The following THSD7B variants were observed in gnomAD, a reference collection of about 807,000 sequenced individuals.
THSD7B encodes thrombospondin type 1 domain containing 7B.
A neutral mutation model predicts 213.6 loss-of-function variants in THSD7B; 138 were observed. The observed-to-expected ratio is 0.65, with a 90% CI of 0.56 to 0.74. The LOEUF is 0.74. Among genes scored for constraint, THSD7B ranks in the 30% least tolerant of loss-of-function variants. The pLI is 0.00. For synonymous variants in THSD7B, 742 were observed against 687.0 expected, an observed-to-expected ratio of 1.08 and a Z score of -1.25; for missense variants, 1,931 against 1,991.5, an observed-to-expected ratio of 0.97 and a Z score of 0.58.
chr2:137,140,054 G>A (rs1679550614), intron 5 of THSD7B, among the ~76,000 whole-genome samples: 1 of 152,032 alleles, frequency 6.6e-6, no homozygotes, highest in South Asian at 2.1e-4. Flanking sequence ...TCACCATTTG[G>A]TTGAATGTTG....
chr2:137,584,171 T>C (rs1289928983), intron 17 of THSD7B, among the ~76,000 whole-genome samples: 1 of 149,402 alleles, frequency 6.7e-6, no homozygotes, highest in Non-Finnish European at 1.5e-5. Context: ...ATGCTTGTGA[T>C]TTTTGCACAT....
At chr2:137,488,402 A>C (rs1688512950) in intron 15 of THSD7B, among the ~76,000 whole-genome samples, 1 of 152,168 alleles carries the variant, frequency 6.6e-6, no homozygotes, top group Non-Finnish European at 1.5e-5. Flanking sequence ...ATTTTGAAGA[A>C]TATATGTGTC....
At chr2:137,343,821 AAAATAT>A (rs142905895) in intron 12 of THSD7B, among the ~76,000 whole-genome samples, 3,734 of 151,898 alleles carry the variant, frequency 0.025, 171 homozygotes, top group African/African-American at 0.086. Flanking sequence ...AAAATGGTAG[AAAATAT>A]AATTTAACGA....
intron 2 of THSD7B, among the ~76,000 whole-genome samples, chr2:136,942,032 A>G (rs1270189182): frequency 6.6e-6 from 1 of 152,204 alleles, no homozygotes; most frequent in Non-Finnish European, 1.5e-5. Context: ...TATAAGGTGT[A>G]CGGAAGGGAT....
chr2:137,483,278 G>A (rs917706765), intron 15 of THSD7B, among the ~76,000 whole-genome samples: 24 of 152,138 alleles, frequency 1.6e-4, no homozygotes, highest in African/African-American at 5.8e-4. Context: ...TGCCTTTTTT[G>A]TAAATGAAGA....
At chr2:137,257,524 A>G (rs1391979368) in intron 10 of THSD7B, among the ~76,000 whole-genome samples, 1 of 152,126 alleles carries the variant, frequency 6.6e-6, no homozygotes, top group Non-Finnish European at 1.5e-5. Context: ...TCAGGGACAA[A>G]ATTTGAGGGT....
chr2:137,134,919 C>A (rs1679403897), intron 5 of THSD7B, among the ~76,000 whole-genome samples: 1 of 152,114 alleles, frequency 6.6e-6, no homozygotes, highest in Admixed American at 6.6e-5. Context: ...AGGCCCTAGG[C>A]TCAGATTGCT....
intron 2 of THSD7B, among the ~76,000 whole-genome samples, chr2:136,952,179 A>T (rs758411526): frequency 7.2e-5 from 11 of 151,932 alleles, no homozygotes; most frequent in Non-Finnish European, 1.5e-4. Flanking sequence ...TTTTTTTATT[A>T]AATGTGTTTT....
chr2:136,774,248 G>A (rs1681563063), intron 1 of THSD7B, among the ~76,000 whole-genome samples: 1 of 152,026 alleles, frequency 6.6e-6, no homozygotes, highest in Admixed American at 6.6e-5. Flanking sequence ...TACATTTAAT[G>A]CATATTTCTC....
intron 10 of THSD7B, among the ~76,000 whole-genome samples, chr2:137,250,593 A>T (rs1047686796): frequency 2.6e-5 from 4 of 152,178 alleles, no homozygotes; most frequent in African/African-American, 9.7e-5. Context: ...CTTAACAACA[A>T]ATATTTGCTG....
At chr2:137,076,688 G>T (rs950699028) in intron 3 of THSD7B, among the ~76,000 whole-genome samples, 6 of 152,200 alleles carry the variant, frequency 3.9e-5, no homozygotes, top group Non-Finnish European at 5.9e-5. Flanking sequence ...CACTCACGCT[G>T]GGAGCTGTAG....
At position 137,247,302 on chromosome 2, in the gene THSD7B, A is replaced by G. The variant is rs1558972387; in HGVS notation, c.2266+4730A>G. Among the ~76,000 whole-genome samples the G allele has an allele frequency of 2.0e-5, 3 of 152,220 alleles. 1 individual carries two copies. The highest frequency in any genetic ancestry group is 4.1e-4 in the South Asian group (2 of 4,838). On this transcript the variant is annotated intron_variant, in intron 10 of 27. Coordinates refer to ENST00000409968, the MANE Select transcript of THSD7B (RefSeq NM_001316349.2). Reference sequence around the variant, plus strand: ...AATGAATGCAATGTGAATACAAAGTATTAATGGTTAATACAATGTATTCAT... The same window carrying G: ...AATGAATGCAATGTGAATACAAAGTGTTAATGGTTAATACAATGTATTCAT...
intron 14 of THSD7B, among the ~76,000 whole-genome samples, chr2:137,418,229 T>G (rs1224296567): frequency 1.3e-5 from 2 of 152,192 alleles, no homozygotes; most frequent in East Asian, 3.9e-4. Context: ...TTATTGTAGA[T>G]TCACTGCAGT....
At chr2:136,888,776 T>G (rs1300834031) in intron 2 of THSD7B, among the ~76,000 whole-genome samples, 1 of 152,154 alleles carries the variant, frequency 6.6e-6, no homozygotes, top group Non-Finnish European at 1.5e-5. Context: ...TCTGCTATAT[T>G]TTTTCTAAGT....
intron 15 of THSD7B, among the ~76,000 whole-genome samples, chr2:137,513,825 A>C (rs1267234679): frequency 6.6e-6 from 1 of 152,180 alleles, no homozygotes; most frequent in Non-Finnish European, 1.5e-5. Flanking sequence ...AATCTCTATG[A>C]ACAAAGCCTG....
intron 15 of THSD7B, among the ~76,000 whole-genome samples, chr2:137,526,316 TA>T (rs1680277298): frequency 6.6e-6 from 1 of 152,190 alleles, no homozygotes; most frequent in African/African-American, 2.4e-5. Flanking sequence ...GATATGGTGC[TA>T]GGGGCTGAGA....
intron 14 of THSD7B, among the ~76,000 whole-genome samples, chr2:137,415,189 T>C (rs572397130): frequency 7.0e-4 from 106 of 152,300 alleles, no homozygotes; most frequent in African/African-American, 2.1e-3. Flanking sequence ...CCATTTGCAT[T>C]TTAGACATGA....
chr2:137,397,308 G>A (rs1405676617), intron 12 of THSD7B, among the ~76,000 whole-genome samples: 8 of 152,132 alleles, frequency 5.3e-5, no homozygotes, highest in Admixed American at 5.2e-4. Context: ...GGTACCGGTT[G>A]TTCCTTTCCA....
intron 17 of THSD7B, among the ~76,000 whole-genome samples, chr2:137,614,664 T>A (rs1682350019): frequency 6.6e-6 from 1 of 152,150 alleles, no homozygotes; most frequent in Non-Finnish European, 1.5e-5. Flanking sequence ...TAAGAATAAT[T>A]GCTTGGTTTC....
Sources: gnomAD v4.1 joint callset for allele counts (sites outside exome capture counted in the v4.1 genomes callset) on GRCh38, gnomAD v4.1.1 for gene constraint, MANE v1.5 for transcripts, NCBI Gene and HGNC (gene_info 2026-07-23, HGNC 2026-07-21) for gene names.